Variants in SPECC1 observed in about 807,000 individuals in gnomAD.
SPECC1 encodes the protein cytospin-B.
In SPECC1, 62 loss-of-function variants were observed where a neutral mutation model predicts 104.1. That is an observed-to-expected ratio of 0.60 (90% CI 0.49 to 0.74). The LOEUF (loss-of-function observed/expected upper bound fraction) is 0.74. Among genes scored for constraint, SPECC1 ranks in the 30% least tolerant of loss-of-function variants. The pLI, the probability that SPECC1 is intolerant of heterozygous loss-of-function variation, is 0.00. For missense variants in SPECC1, 1,306 were observed against 1,310.5 expected, an observed-to-expected ratio of 1.00 and a Z score of 0.05; for synonymous variants, 513 against 501.6, an observed-to-expected ratio of 1.02 and a Z score of -0.30.
At chr17:20,114,068 T>C (rs1203248457) in intron 3 of SPECC1, among the ~76,000 whole-genome samples, 2 of 152,166 alleles carry the variant, frequency 1.3e-5, no homozygotes, top group Non-Finnish European at 2.9e-5. Flanking sequence ...TAAACATATA[T>C]TTGATTACAG....
At chr17:20,249,856 A>G (rs1303524259) in intron 9 of SPECC1, among the ~76,000 whole-genome samples, 1 of 152,202 alleles carries the variant, frequency 6.6e-6, no homozygotes, top group Non-Finnish European at 1.5e-5. Context: ...GGAGTCCCCA[A>G]AAGGGGAGAA....
At chr17:20,221,705 T>A (rs1327020315) in intron 4 of SPECC1, among the ~76,000 whole-genome samples, 1 of 152,200 alleles carries the variant, frequency 6.6e-6, no homozygotes, top group Non-Finnish European at 1.5e-5. Flanking sequence ...TTGCTCTTGC[T>A]TTTCTGGTTA....
chr17:20,295,220 G>A (rs2041309063), intron 12 of SPECC1, among the ~76,000 whole-genome samples: 1 of 137,110 alleles, frequency 7.3e-6, no homozygotes, highest in African/African-American at 2.8e-5. Context: ...CTACCCTGTG[G>A]CCAAGTGTTC....
At chr17:20,120,884 G>A (rs187780815) in intron 3 of SPECC1, among the ~76,000 whole-genome samples, 9 of 152,210 alleles carry the variant, frequency 5.9e-5, no homozygotes, top group African/African-American at 1.7e-4. Flanking sequence ...TCTTTTGGTC[G>A]TAATAATTAT....
At chr17:20,237,770 T>C (rs939323596) in intron 7 of SPECC1, 2 of 191,498 alleles carry the variant, frequency 1.0e-5, no homozygotes, top group African/African-American at 4.7e-5. Flanking sequence ...GAGTTGGAGC[T>C]TTACTCTTGT....
intron 3 of SPECC1, among the ~76,000 whole-genome samples, chr17:20,113,935 T>C (rs1189294391): frequency 6.6e-6 from 1 of 152,198 alleles, no homozygotes; most frequent in Non-Finnish European, 1.5e-5. Flanking sequence ...TAGAAATAGA[T>C]ATTAAATCCA....
chr17:20,065,543 G>A (rs536106643), intron 1 of SPECC1, among the ~76,000 whole-genome samples: 4 of 152,300 alleles, frequency 2.6e-5, no homozygotes, highest in South Asian at 2.1e-4. Flanking sequence ...GAGCTTCCAC[G>A]CCTTCCCTGG....
chr17:20,103,321 A>AT (rs2048030141), intron 2 of SPECC1, among the ~76,000 whole-genome samples: 1 of 151,978 alleles, frequency 6.6e-6, no homozygotes, highest in Non-Finnish European at 1.5e-5. Context: ...CTTTCTCCAC[A>AT]TTCGTTTCTC....
At chr17:20,156,029 AGC>A (rs2032454696) in intron 3 of SPECC1, 1 of 1,280,216 alleles carries the variant, frequency 7.8e-7, no homozygotes, top group South Asian at 2.4e-5. Context: ...GCGGGAGAGC[AGC>A]GGCTCCGCCG....
chr17:20,220,172 T>C (rs983166000), intron 4 of SPECC1, among the ~76,000 whole-genome samples: 2 of 152,202 alleles, frequency 1.3e-5, no homozygotes, highest in African/African-American at 4.8e-5. Flanking sequence ...CTTTTGTGGT[T>C]CCATATGACT....
chr17:20,047,926 C>T (rs1248592499), intron 1 of SPECC1, among the ~76,000 whole-genome samples: 9 of 152,132 alleles, frequency 5.9e-5, no homozygotes, highest in Non-Finnish European at 5.9e-5. Context: ...CTTTCACTGA[C>T]TTCTTCAGCA....
chr17:20,066,668 A>T (rs1334912609), intron 1 of SPECC1, among the ~76,000 whole-genome samples: 2 of 152,154 alleles, frequency 1.3e-5, no homozygotes, highest in Non-Finnish European at 2.9e-5. Flanking sequence ...GTGGAATTGT[A>T]TTTACTTTCT....
At chr17:20,233,566 G>A (rs2038728429) in intron 7 of SPECC1, among the ~76,000 whole-genome samples, 1 of 152,138 alleles carries the variant, frequency 6.6e-6, no homozygotes. Flanking sequence ...AGAGATGGGG[G>A]TCTCACTATG....
chr17:20,136,678 G>A (rs753889780), intron 3 of SPECC1, among the ~76,000 whole-genome samples: 8 of 152,276 alleles, frequency 5.3e-5, no homozygotes, highest in Middle Eastern at 3.4e-3. Context: ...TTACCTTTCT[G>A]TATGCAAATA....
chr17:20,182,982 T>C (rs1478471927), intron 3 of SPECC1, among the ~76,000 whole-genome samples: 2 of 152,192 alleles, frequency 1.3e-5, no homozygotes, highest in East Asian at 3.9e-4. Context: ...AGCCTCTACT[T>C]GGACATAGGT....
intron 1 of SPECC1, among the ~76,000 whole-genome samples, chr17:20,076,371 T>C (rs374371722): frequency 1.1e-4 from 16 of 152,246 alleles, no homozygotes; most frequent in Non-Finnish European, 1.6e-4. Context: ...AGCTAAGTTT[T>C]GTATTTTTGG....
chr17:20,299,011 G>T (rs2041470804), intron 13 of SPECC1, among the ~76,000 whole-genome samples: 1 of 142,620 alleles, frequency 7.0e-6, no homozygotes, highest in East Asian at 2.1e-4. Flanking sequence ...GGGCTGGGGA[G>T]AGAGATTTAT....
chr17:20,114,194 T>G (rs890897394), intron 3 of SPECC1, among the ~76,000 whole-genome samples: 45 of 152,274 alleles, frequency 3.0e-4, no homozygotes, highest in African/African-American at 1.1e-3. Context: ...ACTTTTTGTT[T>G]TTGTTTTTGT....
intron 3 of SPECC1, among the ~76,000 whole-genome samples, chr17:20,156,550 G>A (rs1421483739): frequency 6.6e-6 from 1 of 152,162 alleles, no homozygotes; most frequent in Non-Finnish European, 1.5e-5. Flanking sequence ...TCCTGAGCGC[G>A]CAGGCCGCCC....
Sources: gnomAD v4.1 joint callset for allele counts (sites outside exome capture counted in the v4.1 genomes callset) on GRCh38, gnomAD v4.1.1 for gene constraint, MANE v1.5 for transcripts, NCBI Gene and HGNC (gene_info 2026-07-23, HGNC 2026-07-21) for gene names.